The following SEMA3E variants were observed in gnomAD, a reference collection of about 807,000 sequenced individuals.
SEMA3E encodes the protein semaphorin 3E.
A neutral mutation model predicts 93.6 loss-of-function variants in SEMA3E; 49 were observed. The observed-to-expected ratio is 0.52, with a 90% CI of 0.42 to 0.66. The LOEUF is 0.66. SEMA3E is among the 30% of genes least tolerant of loss of function. The pLI is 0.00. For missense variants in SEMA3E, 906 were observed against 964.8 expected (o/e 0.94, Z 0.81); for synonymous variants, 363 against 330.7 (o/e 1.10, Z -1.06).
At chr7:83,395,945 T>G (rs918203182) in intron 12 of SEMA3E, among the ~76,000 whole-genome samples, 2 of 152,138 alleles carry the variant, frequency 1.3e-5, no homozygotes, top group Non-Finnish European at 2.9e-5. Context: ...TGCTGGAACA[T>G]AACCCTGTAT....
At chr7:83,563,073 A>G (rs529133686) in intron 1 of SEMA3E, among the ~76,000 whole-genome samples, 1 of 152,184 alleles carries the variant, frequency 6.6e-6, no homozygotes, top group Non-Finnish European at 1.5e-5. Context: ...TACTGTAGAC[A>G]GGCATGCTCT....
intron 1 of SEMA3E, among the ~76,000 whole-genome samples, chr7:83,605,859 T>C (rs923167955): frequency 3.9e-5 from 6 of 152,214 alleles, no homozygotes; most frequent in Admixed American, 2.0e-4. Context: ...CTTTCTCAGG[T>C]GGCTAGATTG....
intron 1 of SEMA3E, among the ~76,000 whole-genome samples, chr7:83,583,295 T>C (rs1288475296): frequency 6.6e-6 from 1 of 152,172 alleles, no homozygotes; most frequent in Admixed American, 6.6e-5. Context: ...ATGCATTGTG[T>C]AATGATCAAA....
At chr7:83,528,420 G>A (rs192560030) in intron 1 of SEMA3E, among the ~76,000 whole-genome samples, 4 of 152,208 alleles carry the variant, frequency 2.6e-5, no homozygotes, top group African/African-American at 4.8e-5. Context: ...AAGACTAGCT[G>A]GGATTTATGA....
chr7:83,493,896 A>C (rs931840619), intron 1 of SEMA3E, among the ~76,000 whole-genome samples: 1 of 151,962 alleles, frequency 6.6e-6, no homozygotes, highest in Non-Finnish European at 1.5e-5. Context: ...AAAGGTTAGA[A>C]GTATCCATTA....
chr7:83,410,367 G>A (rs2723039), intron 5 of SEMA3E, among the ~76,000 whole-genome samples: 76,885 of 151,722 alleles, frequency 0.51, 22,339 homozygotes, highest in East Asian at 0.85. Context: ...TATTTGTTGA[G>A]TTCTTCTAGT....
intron 1 of SEMA3E, among the ~76,000 whole-genome samples, chr7:83,614,722 G>T (rs553825690): frequency 6.6e-6 from 1 of 152,176 alleles, no homozygotes; most frequent in African/African-American, 2.4e-5. Context: ...TGACTACTGA[G>T]GCAGGAAAAG....
chr7:83,397,001 G>A (rs1391476948), intron 11 of SEMA3E, among the ~76,000 whole-genome samples: 2 of 151,196 alleles, frequency 1.3e-5, no homozygotes, highest in Non-Finnish European at 2.9e-5. Flanking sequence ...AGAATTGCTT[G>A]AACCTGGGAA....
intron 1 of SEMA3E, among the ~76,000 whole-genome samples, chr7:83,544,007 T>C (rs996624309): frequency 3.9e-5 from 6 of 152,074 alleles, no homozygotes; most frequent in Admixed American, 2.0e-4. Context: ...AAATTGTCAC[T>C]TTCTCTTTTC....
intron 1 of SEMA3E, among the ~76,000 whole-genome samples, chr7:83,622,634 G>A (rs1381644673): frequency 6.6e-6 from 1 of 152,066 alleles, no homozygotes; most frequent in East Asian, 1.9e-4. Context: ...TATACACCAT[G>A]GAATACTATG....
rs769396568 is a variant in SEMA3E, at chr7:83,385,370, A to G, written c.1799T>C (p.Leu600Pro). ...TTGTAAAGATCGTGGGGTACATTCC[A>G]GCAAAGTACTGTTGTTCTCTATGCC... Reference protein sequence around the residue: ...AYGIENNSTLLECTPRSLQAK... With the variant: ...AYGIENNSTLPECTPRSLQAK... The change falls in exon 16 of 17, where the codon CTG (leucine) becomes CCG (proline). Residue 600 changes from leucine (L) to proline (P), a missense_variant. Coordinates refer to ENST00000643230, the MANE Select transcript of SEMA3E (RefSeq NM_012431.3). 1 of 1,613,634 alleles carries G rather than the reference A, an allele frequency of 6.2e-7. No homozygotes were observed. Among genetic ancestry groups the G allele is most frequent in the Non-Finnish European group, 8.5e-7 (1 of 1,179,652 alleles).
intron 2 of SEMA3E, among the ~76,000 whole-genome samples, chr7:83,487,968 ACT>A: frequency 6.6e-6 from 1 of 151,964 alleles, no homozygotes; most frequent in East Asian, 1.9e-4. Flanking sequence ...CATTTTAAAA[ACT>A]CTAAAACATA....
chr7:83,411,302 G>A (rs1788435075), intron 5 of SEMA3E, among the ~76,000 whole-genome samples: 1 of 152,046 alleles, frequency 6.6e-6, no homozygotes, highest in South Asian at 2.1e-4. Flanking sequence ...AGAGAAAATT[G>A]TGAGCAATTC....
At chr7:83,454,481 T>C (rs1044141575) in intron 4 of SEMA3E, among the ~76,000 whole-genome samples, 2 of 151,832 alleles carry the variant, frequency 1.3e-5, no homozygotes, top group African/African-American at 4.8e-5. Context: ...GAATATTAAA[T>C]GCATGGCTAT....
At chr7:83,573,897 T>A (rs1258730453) in intron 1 of SEMA3E, among the ~76,000 whole-genome samples, 1 of 151,920 alleles carries the variant, frequency 6.6e-6, no homozygotes, top group African/African-American at 2.4e-5. Context: ...AATAAAATAA[T>A]TTTTTAAAGC....
chr7:83,456,692 C>A (rs1488956684), intron 4 of SEMA3E, among the ~76,000 whole-genome samples: 1 of 151,814 alleles, frequency 6.6e-6, no homozygotes, highest in East Asian at 1.9e-4. Flanking sequence ...TGGCTCACTG[C>A]AACCTCCACC....
At chr7:83,441,521 C>T (rs947138362) in intron 4 of SEMA3E, among the ~76,000 whole-genome samples, 38 of 152,184 alleles carry the variant, frequency 2.5e-4, no homozygotes, top group African/African-American at 8.7e-4. Flanking sequence ...GGTGATGCTG[C>T]TGCTGCAGCT....
intron 12 of SEMA3E, 110 bp downstream of exon 12, chr7:83,396,528 T>C: frequency 3.0e-6 from 2 of 677,800 alleles, no homozygotes; most frequent in South Asian, 1.6e-5. Context: ...TAGCTCTGAA[T>C]CCACAACATA....
At chr7:83,540,038 T>A (rs996925140) in intron 1 of SEMA3E, among the ~76,000 whole-genome samples, 1 of 151,910 alleles carries the variant, frequency 6.6e-6, no homozygotes, top group African/African-American at 2.4e-5. Flanking sequence ...TCACCACCAC[T>A]ATGCCTGGGT....
Sources: allele counts gnomAD v4.1 joint callset (sites outside exome capture counted in the v4.1 genomes callset), GRCh38; gene constraint gnomAD v4.1.1; transcripts MANE v1.5; gene names NCBI Gene and HGNC (gene_info 2026-07-23, HGNC 2026-07-21).